ABR: variants seen among roughly 807,000 people sequenced by gnomAD.
ABR encodes the protein active breakpoint cluster region-related protein.
ABR carries 35 observed loss-of-function variants against 107.2 expected under a neutral mutation model. That is an observed-to-expected ratio of 0.33 (90% CI 0.25 to 0.43). The LOEUF is 0.43. Among genes scored for constraint, ABR ranks in the 20% least tolerant of loss-of-function variants. ABR has a pLI of 1.00. For synonymous variants in ABR, 498 were observed against 462.0 expected, an observed-to-expected ratio of 1.08 and a Z score of -1.00; for missense variants, 815 against 1,115.2, an observed-to-expected ratio of 0.73 and a Z score of 3.83.
rs184596643 is a variant in ABR, at chr17:1,053,984, C to T, written c.1561+2051G>A. Among the ~76,000 whole-genome samples, 51 of 152,264 alleles carry T rather than the reference C, an allele frequency of 3.3e-4. No homozygotes were observed. The East Asian group carries it at 7.2e-3, about 21-fold the overall frequency. On this transcript the variant is annotated intron_variant, in intron 14 of 22. Transcript: ENST00000302538. ...CACGGTAACAAGCAGCCTGAGGGAC[C>T]GTGTGGTGTTCCCGGCCAGACATCG...
chr17:1,185,436 G>T (rs140132204), intron 1 of ABR, among the ~76,000 whole-genome samples: 8,503 of 152,086 alleles, frequency 0.056, 777 homozygotes, highest in African/African-American at 0.19. Flanking sequence ...CCTGAGGTCA[G>T]GAGTTCGAGA....
At chr17:1,060,517 G>A (rs373825813) in intron 10 of ABR, among the ~76,000 whole-genome samples, 14 of 152,156 alleles carry the variant, frequency 9.2e-5, no homozygotes, top group Admixed American at 2.6e-4. Flanking sequence ...CATTGGACAC[G>A]CGGGCGCACA....
intron 1 of ABR, among the ~76,000 whole-genome samples, chr17:1,173,848 C>T (rs1011972631): frequency 1.3e-5 from 2 of 152,208 alleles, no homozygotes; most frequent in African/African-American, 2.4e-5. Flanking sequence ...AGTCCTGTGC[C>T]GGCCTCTCCC....
intron 9 of ABR, 21 bp from the exon 10 acceptor site, chr17:1,067,263 G>A: frequency 6.4e-7 from 1 of 1,555,824 alleles, no homozygotes; most frequent in Non-Finnish European, 8.7e-7. Context: ...GCCAGAGGGA[G>A]CCATGAGCCA....
chr17:1,197,124 G>A (rs1030132347), intron 1 of ABR, among the ~76,000 whole-genome samples: 5 of 151,562 alleles, frequency 3.3e-5, no homozygotes, highest in Admixed American at 6.6e-5. Context: ...ATCGGATCTC[G>A]GGGGCATCTC....
In ABR at chr17:1,143,851, G is replaced by A. The variant is rs73975652; in HGVS notation, c.62-18484C>T. 2.7e-3 allele frequency among the ~76,000 whole-genome samples: 410 copies of A among 152,226 alleles called. 2 individuals are homozygous for A. Among genetic ancestry groups the A allele is most frequent in the African/African-American group, 9.4e-3 (390 of 41,520 alleles). ...GGCCAGCAGCCCTGGGCAGAGAAGC[G>A]CATGTGGCTTCACCAGTCTCCAGCT... On this transcript the variant is annotated intron_variant, in intron 1 of 22. Coordinates refer to ENST00000302538, the MANE Select transcript of ABR (RefSeq NM_021962.5).
chr17:1,013,018 A>G, intron 17 of ABR, 87 bp downstream of exon 17: 1 of 1,488,294 alleles, frequency 6.7e-7, no homozygotes, highest in Non-Finnish European at 9.4e-7. Context: ...CGGCCCCAGG[A>G]GCAGCCACAG....
intron 1 of ABR, among the ~76,000 whole-genome samples, chr17:1,177,637 T>A (rs2041961753): frequency 6.6e-6 from 1 of 152,184 alleles, no homozygotes; most frequent in Admixed American, 6.5e-5. Context: ...AGTCTTCTGC[T>A]GCAGAGAAAG....
chr17:1,007,875 A>AGGCG (rs2070187048), intron 21 of ABR, among the ~76,000 whole-genome samples: 1 of 152,212 alleles, frequency 6.6e-6, no homozygotes, highest in Non-Finnish European at 1.5e-5. Context: ...CAGGGGAGAA[A>AGGCG]GGCAGGCAGG....
chr17:1,117,091 C>A (rs1044882506), intron 2 of ABR, among the ~76,000 whole-genome samples: 2 of 151,544 alleles, frequency 1.3e-5, no homozygotes, highest in African/African-American at 4.9e-5. Flanking sequence ...GCAGTTCCTC[C>A]CAGCGTTATC....
intron 2 of ABR, among the ~76,000 whole-genome samples, chr17:1,103,590 A>C (rs943984990): frequency 6.6e-6 from 1 of 152,164 alleles, no homozygotes; most frequent in Non-Finnish European, 1.5e-5. Context: ...AGACCCTGGA[A>C]GCCCTGTAAT....
intron 1 of ABR, chr17:1,153,692 G>A (rs113244863): frequency 2.5e-4 from 26 of 105,016 alleles, no homozygotes; most frequent in African/African-American, 6.4e-4. Flanking sequence ...AGGCACACCT[G>A]CGGGAGGGCT....
At position 1,108,097 on chromosome 17, in the gene ABR, C is replaced by A. The variant is rs150169810; in HGVS notation, c.247-7362G>T. ...GCCTCGCCTAGCAGTCTGCAAACTCCCCGAAACGCATCCTCACTGGGCCTC... is the reference window on the plus strand; with the variant it reads ...GCCTCGCCTAGCAGTCTGCAAACTCACCGAAACGCATCCTCACTGGGCCTC... On this transcript the variant is annotated intron_variant, in intron 2 of 22. Transcript: ENST00000302538. Among the ~76,000 whole-genome samples, 268 of 152,340 alleles carry A rather than the reference C, an allele frequency of 1.8e-3. 4 individuals are homozygous for A. Among genetic ancestry groups the A allele is most frequent in the African/African-American group, 6.1e-3 (253 of 41,584 alleles).
chr17:1,217,553 A>C (rs988132921), intron 1 of ABR, among the ~76,000 whole-genome samples: 1 of 152,180 alleles, frequency 6.6e-6, no homozygotes, highest in Non-Finnish European at 1.5e-5. Context: ...TTGATATTAT[A>C]TTATCATCGT....
Position 1,154,118 on chromosome 17 carries a change from G to A in ABR, c.61+25549C>T, listed in dbSNP as rs1281142533. On this transcript the variant is annotated intron_variant, in intron 1 of 22. Coordinates refer to ENST00000302538, the MANE Select transcript of ABR (RefSeq NM_021962.5). The surrounding 1 kb of genome is among the most constrained non-coding windows in gnomAD (Gnocchi z 4.0). ...TTCCCCCAGTTCTGCTCCGAGGACTGGGTCTAAGGGACGAGGGCCAGGAAC... is the reference window on the plus strand; with the variant it reads ...TTCCCCCAGTTCTGCTCCGAGGACTAGGTCTAAGGGACGAGGGCCAGGAAC... 1 of 152,828 alleles carries A rather than the reference G, an allele frequency of 6.5e-6. No individual in the cohort carries two copies. The highest frequency in any genetic ancestry group is 2.4e-5 in the African/African-American group (1 of 41,436). The allele number at this position is 152,828 out of a possible 1,614,324, so 9.5% of individuals were successfully genotyped here. A position where few individuals can be genotyped will look rare whatever the true frequency, so the allele number is the denominator to read the frequency against.
intron 16 of ABR, among the ~76,000 whole-genome samples, chr17:1,034,428 G>T (rs1432873293): frequency 6.6e-6 from 1 of 152,168 alleles, no homozygotes; most frequent in Non-Finnish European, 1.5e-5. Context: ...TTTGGCACGG[G>T]TCACTTGTGC....
At chr17:1,172,521 T>C (rs1303005993) in intron 1 of ABR, among the ~76,000 whole-genome samples, 3 of 152,048 alleles carry the variant, frequency 2.0e-5, no homozygotes, top group Non-Finnish European at 4.4e-5. Flanking sequence ...GAGGCCGAGA[T>C]GGGTGGATCA....
At chr17:1,105,590 T>C (rs2038194499) in intron 2 of ABR, among the ~76,000 whole-genome samples, 1 of 151,822 alleles carries the variant, frequency 6.6e-6, no homozygotes, top group African/African-American at 2.4e-5. Context: ...GGCACAGAAT[T>C]GGGCTGGGCT....
chr17:1,073,305 C>G (rs1024650044), intron 7 of ABR, among the ~76,000 whole-genome samples: 6 of 152,102 alleles, frequency 3.9e-5, no homozygotes, highest in East Asian at 1.9e-4. Flanking sequence ...AGGCTCATCC[C>G]CCCGAGCAGC....
Sources: gnomAD v4.1 joint callset for allele counts (sites outside exome capture counted in the v4.1 genomes callset) on GRCh38, gnomAD v4.1.1 for gene constraint, Gnocchi (gnomAD v3.1) non-coding constraint, MANE v1.5 for transcripts, NCBI Gene and HGNC (gene_info 2026-07-23, HGNC 2026-07-21) for gene names.